CDKL4: variants seen among roughly 807,000 people sequenced by gnomAD.
CDKL4 encodes the protein cyclin-dependent kinase-like 4.
In CDKL4, 44 loss-of-function variants were observed where a neutral mutation model predicts 42.0. The ratio of observed to expected loss-of-function variants is 1.05; its 90% CI spans 0.82 to 1.35. CDKL4 has a LOEUF of 1.35. Among genes scored for constraint, CDKL4 ranks in the 40% most tolerant of loss-of-function variants. CDKL4 has a pLI of 0.00. For synonymous variants in CDKL4, 120 were observed against 121.6 expected (o/e 0.99, Z 0.09); for missense variants, 393 against 369.9 (o/e 1.06, Z -0.51).
At chr2:39,204,781 C>T (rs1677064340) in intron 4 of CDKL4, among the ~76,000 whole-genome samples, 164 bp from the exon 5 acceptor site, 1 of 151,940 alleles carries the variant, frequency 6.6e-6, no homozygotes, top group African/African-American at 2.4e-5. Context: ...TCACTTGTAA[C>T]TCTTGTCATA....
At chr2:39,205,157 C>G (rs1229435389) in intron 4 of CDKL4, among the ~76,000 whole-genome samples, 1 of 152,014 alleles carries the variant, frequency 6.6e-6, no homozygotes, top group Non-Finnish European at 1.5e-5. Context: ...GCCTGAGCAA[C>G]TGAGCTAAAC....
chr2:39,172,604 C>T (rs1048485372), downstream of CDKL4, among the ~76,000 whole-genome samples: 8 of 151,972 alleles, frequency 5.3e-5, no homozygotes, highest in East Asian at 1.9e-4. Context: ...TTTTTTGAGA[C>T]GGAGTCTTGC....
chr2:39,185,387 C>CATAT lies in CDKL4; in HGVS notation c.736-741_736-740insATAT, dbSNP rs779055302. Reference sequence around the variant, plus strand: ...ATATATATATACATATGTATATATACATGTATATATACATATGTGTATATA... The same window carrying CATAT: ...ATATATATATACATATGTATATATACATATATGTATATATACATATGTGTATATA... On this transcript the variant is annotated intron_variant, in intron 7 of 9. Transcript: ENST00000451199. Among the ~76,000 whole-genome samples the CATAT allele has an allele frequency of 2.5e-3, 8 of 3,158 alleles. 2 individuals are homozygous for CATAT. The highest frequency in any genetic ancestry group is 5.0e-3 in the African/African-American group (8 of 1,592). 2.1% of individuals were successfully genotyped at this position (3,158 alleles called of 152,430 possible).
chr2:39,197,582 C>CT (rs1410472826), intron 5 of CDKL4, among the ~76,000 whole-genome samples: 2 of 152,124 alleles, frequency 1.3e-5, no homozygotes, highest in African/African-American at 4.8e-5. Flanking sequence ...ATTAAGGACT[C>CT]TGAGGCAAAA....
At chr2:39,222,569 G>A (rs1389810925) in intron 3 of CDKL4, among the ~76,000 whole-genome samples, 1 of 152,064 alleles carries the variant, frequency 6.6e-6, no homozygotes, top group Non-Finnish European at 1.5e-5. Context: ...CAGCCTGGGC[G>A]ACAGTGTGAG....
intron 1 of CDKL4, among the ~76,000 whole-genome samples, chr2:39,242,458 C>T (rs540792807): frequency 1.1e-4 from 16 of 152,210 alleles, no homozygotes; most frequent in African/African-American, 3.9e-4. Flanking sequence ...AGTTAAAGTT[C>T]TGTGTACAAA....
intron 4 of CDKL4, among the ~76,000 whole-genome samples, chr2:39,210,260 G>C (rs1374915185): frequency 6.6e-6 from 1 of 152,088 alleles, no homozygotes; most frequent in Admixed American, 6.6e-5. Context: ...CAAAGTCCTG[G>C]GATTACAGGC....
At chr2:39,175,827 G>T in exon 10 of CDKL4, 1 of 180,828 alleles carries the variant, frequency 5.5e-6, no homozygotes, top group South Asian at 3.2e-5. Context: ...AGATAAAGTT[G>T]GCATGTAAAA....
chr2:39,173,850 G>A (rs113132952), downstream of CDKL4, among the ~76,000 whole-genome samples: 3,444 of 150,154 alleles, frequency 0.023, 110 homozygotes, highest in African/African-American at 0.08. Flanking sequence ...GGGCATGGTG[G>A]CATGTCCCTG....
At chr2:39,225,712 G>T in intron 3 of CDKL4, 127 bp downstream of exon 3, 1 of 848,388 alleles carries the variant, frequency 1.2e-6, no homozygotes, top group Non-Finnish European at 1.7e-6. Context: ...GAGACTGGAT[G>T]GGGTAGCCAG....
rs1347002603 is a variant in CDKL4, at chr2:39,185,352, G to A, written c.736-705C>T. ...CACATATGTATATATATACACATATGTATATATACATATATATATACATAT... is the reference window on the plus strand; with the variant it reads ...CACATATGTATATATATACACATATATATATATACATATATATATACATAT... On this transcript the variant is annotated intron_variant, in intron 7 of 9. Transcript: ENST00000451199. Among the ~76,000 whole-genome samples, 6 of 74,406 alleles carry A rather than the reference G, an allele frequency of 8.1e-5. 1 individual carries two copies. Among genetic ancestry groups the A allele is most frequent in the African/African-American group, 2.7e-4 (5 of 18,612 alleles). 48.8% of individuals were successfully genotyped at this position (74,406 alleles called of 152,430 possible). A position where few individuals can be genotyped will look rare whatever the true frequency, so the allele number is the denominator to read the frequency against.
chr2:39,241,916 A>C (rs1210746180), intron 1 of CDKL4, among the ~76,000 whole-genome samples: 1 of 152,228 alleles, frequency 6.6e-6, no homozygotes, highest in Admixed American at 6.5e-5. Flanking sequence ...TACTTTTTAA[A>C]GCAAAGGCAA....
intron 5 of CDKL4, among the ~76,000 whole-genome samples, chr2:39,194,812 T>C (rs1449545427): frequency 1.3e-5 from 2 of 152,176 alleles, no homozygotes; most frequent in Non-Finnish European, 2.9e-5. Flanking sequence ...TGTGGTAAAA[T>C]ACACATAATA....
At chr2:39,211,380 T>C (rs1021386333) in intron 4 of CDKL4, among the ~76,000 whole-genome samples, 1 of 152,164 alleles carries the variant, frequency 6.6e-6, no homozygotes, top group Non-Finnish European at 1.5e-5. Context: ...AGAGCGAGAC[T>C]GTCCCAAAAA....
intron 3 of CDKL4, among the ~76,000 whole-genome samples, chr2:39,223,708 G>A (rs1273972346): frequency 1.3e-5 from 2 of 150,860 alleles, no homozygotes; most frequent in East Asian, 3.9e-4. Flanking sequence ...CACCTCTTGA[G>A]CTCAAGTGAT....
intron 2 of CDKL4, among the ~76,000 whole-genome samples, chr2:39,228,225 G>T (rs777551306): frequency 3.3e-5 from 5 of 152,160 alleles, no homozygotes; most frequent in Non-Finnish European, 7.3e-5. Flanking sequence ...GTTCAGACCC[G>T]CCCTGCAGCT....
At chr2:39,223,172 G>T (rs968228159) in intron 3 of CDKL4, among the ~76,000 whole-genome samples, 1 of 152,060 alleles carries the variant, frequency 6.6e-6, no homozygotes, top group Admixed American at 6.6e-5. Flanking sequence ...TGTATGGATG[G>T]ATATACCAAA....
intron 3 of CDKL4, among the ~76,000 whole-genome samples, chr2:39,220,277 T>C (rs541851681): frequency 6.6e-6 from 1 of 152,266 alleles, no homozygotes; most frequent in Admixed American, 6.5e-5. Context: ...CTGCAGACTC[T>C]CAGATCTCAC....
At chr2:39,224,730 G>A (rs577632898) in intron 3 of CDKL4, among the ~76,000 whole-genome samples, 2 of 151,838 alleles carry the variant, frequency 1.3e-5, no homozygotes, top group Non-Finnish European at 2.9e-5. Context: ...TCTAGAACAC[G>A]TGAGTTCAAG....
Sources: gnomAD v4.1 joint callset for allele counts (sites outside exome capture counted in the v4.1 genomes callset) on GRCh38, gnomAD v4.1.1 for gene constraint, MANE v1.5 for transcripts, NCBI Gene and HGNC (gene_info 2026-07-23, HGNC 2026-07-21) for gene names.